Variants in NBPF11 observed in about 807,000 individuals in gnomAD.
NBPF11 encodes the protein NBPF family member NBPF11.
Under a neutral mutation model 93.9 loss-of-function variants are expected in NBPF11, and 72 were observed. That is an observed-to-expected ratio of 0.77 (90% CI 0.63 to 0.93). The LOEUF (loss-of-function observed/expected upper bound fraction) is 0.93. NBPF11 is among the 40% of genes least tolerant of loss of function. The pLI is 0.00. For synonymous variants in NBPF11, 224 were observed against 304.9 expected (o/e 0.73, Z 2.76); for missense variants, 705 against 802.2 (o/e 0.88, Z 1.46).
At chr1:148,151,140 G>C (rs2149321111) in intron 1 of NBPF11, among the ~76,000 whole-genome samples, 1 of 151,994 alleles carries the variant, frequency 6.6e-6, no homozygotes, top group Middle Eastern at 3.4e-3. Flanking sequence ...AAAAATCACA[G>C]CAACTCTTTG....
chr1:148,119,887 C>A (rs1426222336), intron 10 of NBPF11, among the ~76,000 whole-genome samples: 4 of 152,088 alleles, frequency 2.6e-5, no homozygotes, highest in African/African-American at 9.7e-5. Context: ...AACTCCTGAC[C>A]TCGTGCTCTA....
intron 1 of NBPF11, among the ~76,000 whole-genome samples, chr1:148,147,782 G>A (rs1345816458): frequency 3.9e-5 from 6 of 151,970 alleles, no homozygotes; most frequent in Admixed American, 6.5e-5. Flanking sequence ...GGGGCCTCCC[G>A]GCAGTTGTGG....
At position 148,103,911 on chromosome 1, in the gene NBPF11, G is replaced by A. The variant is rs1662882501; in HGVS notation, c.2583C>T (p.Gly861=). The A allele has an allele frequency of 6.2e-7, 1 of 1,610,842 alleles. No homozygotes were observed. The highest frequency in any genetic ancestry group is 1.3e-5 in the African/African-American group (1 of 74,614). Residue 861 remains glycine, a splice_region_variant and synonymous_variant, in exon 24 of 24, where the codon GGC becomes GGT. Coordinates refer to ENST00000682118, the MANE Select transcript of NBPF11 (RefSeq NM_001385469.3). ...TCCACTTCCATCAGCACGCTGCTGAGCCTGGAAAAGGAGACAAAACTAAAG... is the reference window on the plus strand; with the variant it reads ...TCCACTTCCATCAGCACGCTGCTGAACCTGGAAAAGGAGACAAAACTAAAG... ...GKKIKTHHAP[G]SAAC
At chr1:148,120,941 C>T (rs1667679639) in intron 9 of NBPF11, among the ~76,000 whole-genome samples, 1 of 152,076 alleles carries the variant, frequency 6.6e-6, no homozygotes, top group Non-Finnish European at 1.5e-5. Flanking sequence ...TTATACGTTT[C>T]TATAAAGCAA....
chr1:148,135,081 A>G (rs1467960456), intron 4 of NBPF11: 11 of 147,800 alleles, frequency 7.4e-5, no homozygotes, highest in African/African-American at 2.8e-4. Flanking sequence ...CTTCTCTTCC[A>G]CTATCTCCCC....
chr1:148,107,438 T>C (rs1353177802), intron 19 of NBPF11, among the ~76,000 whole-genome samples: 6 of 150,442 alleles, frequency 4.0e-5, no homozygotes, highest in African/African-American at 1.2e-4. Flanking sequence ...ATGAAAAGAG[T>C]GGGCTCAATA....
At chr1:148,133,841 G>C (rs1473764060) in intron 4 of NBPF11, among the ~76,000 whole-genome samples, 1 of 151,060 alleles carries the variant, frequency 6.6e-6, no homozygotes, top group Admixed American at 6.6e-5. Flanking sequence ...GACTCCAACA[G>C]GTCTCTGTCC....
intron 4 of NBPF11, among the ~76,000 whole-genome samples, chr1:148,134,771 T>G (rs1670993203): frequency 6.6e-6 from 1 of 151,674 alleles, no homozygotes; most frequent in Admixed American, 6.6e-5. Context: ...TGTTGAAGAG[T>G]ACACAGAGAC....
chr1:148,145,893 A>T (rs1333133018), intron 1 of NBPF11, among the ~76,000 whole-genome samples: 1 of 151,812 alleles, frequency 6.6e-6, no homozygotes, highest in East Asian at 1.9e-4. Flanking sequence ...AAGAAAAAAA[A>T]TTAGAGAATC....
chr1:148,148,018 T>C (rs1399381805), intron 1 of NBPF11, among the ~76,000 whole-genome samples: 7 of 151,972 alleles, frequency 4.6e-5, no homozygotes, highest in Non-Finnish European at 1.0e-4. Flanking sequence ...TTCGTTTGAG[T>C]GGTGACATCC....
At chr1:148,133,403 T>C (rs1235984935) in intron 4 of NBPF11, among the ~76,000 whole-genome samples, 2 of 152,148 alleles carry the variant, frequency 1.3e-5, no homozygotes, top group African/African-American at 2.4e-5. Context: ...TCTGATTTAA[T>C]AGAAAAGCAT....
intron 15 of NBPF11, among the ~76,000 whole-genome samples, chr1:148,111,583 T>C (rs1481961577): frequency 6.6e-6 from 1 of 151,072 alleles, no homozygotes; most frequent in Non-Finnish European, 1.5e-5. Flanking sequence ...CTGAAAACCA[T>C]GGCACGAAAA....
At chr1:148,116,670 T>G in intron 12 of NBPF11, 135 bp from the exon 13 acceptor site, 1 of 592,968 alleles carries the variant, frequency 1.7e-6, no homozygotes, top group East Asian at 2.8e-5. Flanking sequence ...GTTTTATCTT[T>G]AACAGAATGC....
intron 4 of NBPF11, among the ~76,000 whole-genome samples, chr1:148,129,097 T>C (rs1450499297): frequency 1.4e-5 from 2 of 145,960 alleles, no homozygotes; most frequent in African/African-American, 2.6e-5. Flanking sequence ...CGTGTATATA[T>C]ATATATAATA....
At chr1:148,108,388 A>G (rs1436348349) in intron 18 of NBPF11, 94 bp downstream of exon 18, 5 of 816,292 alleles carry the variant, frequency 6.1e-6, no homozygotes, top group South Asian at 5.5e-5. Context: ...TGGCAATGAC[A>G]TCTCTCAGCT....
rs1669247559 is a variant in NBPF11 at position 148,126,877 on chromosome 1, A to T, written c.127T>A (p.Phe43Ile). 2.0e-6 allele frequency: 3 copies of T among 1,467,802 alleles called. No individual in the cohort carries two copies. The South Asian group carries it at 3.5e-5, about 17-fold the overall frequency. 90.9% of individuals were successfully genotyped at this position (1,467,802 alleles called of 1,614,324 possible). The part of the protein sequence containing the change: ...QQFRNLKERC[F>I]LTQLAGFLAN... ...AGGAAGCCGGCCAGTTGAGTTAGAA[A>T]ACATCTCTCTTTGAGGTTTCTGAAC... Residue 43 changes from phenylalanine (F) to isoleucine (I), a missense_variant, in exon 5 of 24, where the codon TTT becomes ATT. Physicochemically the swap from Phe to Ile is conservative, Grantham distance 21. This residue lies in a region of NBPF11 where 128 missense variants were observed against 112.8 expected (regional missense o/e 1.14). Transcript: ENST00000682118.
At position 148,118,642 on chromosome 1, in the gene NBPF11, G is replaced by A. The variant is rs1230783889; in HGVS notation, c.1069C>T (p.Leu357=). Residue 357 remains leucine (L), a synonymous_variant, in exon 11 of 24, where the codon CTG becomes TTG. Transcript: ENST00000682118. ...CACCTGAGCTCCTCAGCTTGCTTCA[G>A]CTGCTCTGCAAGCTTCTCCTCCTTG... ...QFKEEKLAEQ[L]KQAEELRQYK... is the part of the protein sequence containing the mutation. 1.9e-5 allele frequency: 30 copies of A among 1,612,720 alleles called. No homozygotes were observed. The Admixed American group carries it at 3.0e-4, about 16-fold the overall frequency.
At chr1:148,106,348 A>G in intron 20 of NBPF11, 116 bp from the exon 21 acceptor site, 1 of 733,190 alleles carries the variant, frequency 1.4e-6, no homozygotes, top group Non-Finnish European at 2.5e-6. Flanking sequence ...GAACAGGACA[A>G]TGTGAGGGAT....
chr1:148,111,208 A>T (rs1309726181), intron 15 of NBPF11, among the ~76,000 whole-genome samples: 1 of 152,084 alleles, frequency 6.6e-6, no homozygotes, highest in Non-Finnish European at 1.5e-5. Flanking sequence ...TAGCATCAAC[A>T]TCAACAAAAA....
Sources: allele counts gnomAD v4.1 joint callset (sites outside exome capture counted in the v4.1 genomes callset), GRCh38; gene constraint gnomAD v4.1.1; regional missense constraint gnomAD v4.1.1; transcripts MANE v1.5; gene names NCBI Gene and HGNC (gene_info 2026-07-23, HGNC 2026-07-21).